The following CFAP54 variants were observed in gnomAD, a reference collection of about 807,000 sequenced individuals.
CFAP54 encodes the protein cilia and flagella associated protein 54, also known as cilia- and flagella-associated protein 54.
In CFAP54, 290 loss-of-function variants were observed where a neutral mutation model predicts 370.4. That is an observed-to-expected ratio of 0.78 (90% CI 0.71 to 0.86). The LOEUF (loss-of-function observed/expected upper bound fraction) is 0.86, where lower values mean the gene tolerates loss of function less well. CFAP54 is among the 40% of genes least tolerant of loss of function. The probability of loss-of-function intolerance (pLI) is 0.00; values close to 1 mark genes in which losing one functional copy is unlikely to be tolerated. For missense variants in CFAP54, 3,399 were observed against 3,528.7 expected, an observed-to-expected ratio of 0.96 and a Z score of 0.93; for synonymous variants, 1,206 against 1,236.5, an observed-to-expected ratio of 0.98 and a Z score of 0.52.
intron 17 of CFAP54, among the ~76,000 whole-genome samples, chr12:96,561,352 C>T (rs149466391): frequency 6.6e-6 from 1 of 152,200 alleles, no homozygotes; most frequent in Admixed American, 6.5e-5. Flanking sequence ...ACTTGTTCCT[C>T]TTTGCCTTCT....
intron 63 of CFAP54, among the ~76,000 whole-genome samples, chr12:96,809,205 T>G (rs909738860): frequency 6.6e-6 from 1 of 152,194 alleles, no homozygotes; most frequent in Non-Finnish European, 1.5e-5. Flanking sequence ...AGGGTGGCCC[T>G]TTCAAAATGG....
Position 96,648,145 on chromosome 12 carries a change from G to T in CFAP54, c.4690+128G>T, listed in dbSNP as rs114774438. On this transcript the variant is annotated intron_variant, in intron 34 of 67. Transcript: ENST00000524981. Reference sequence around the variant, plus strand: ...AGTTTTCCAAAGGACCAGCAATTTAGTTGAGTTTTGATATTTTGTAGGAGA... The same window carrying T: ...AGTTTTCCAAAGGACCAGCAATTTATTTGAGTTTTGATATTTTGTAGGAGA... 1.5e-3 allele frequency: 904 copies of T among 596,978 alleles called. 4 individuals are homozygous for T. The African/African-American group carries it at 0.016, about 11-fold the overall frequency. The allele number at this position is 596,978 out of a possible 1,614,324, so 37.0% of individuals were successfully genotyped here. A position where few individuals can be genotyped will look rare whatever the true frequency, so the allele number is the denominator to read the frequency against.
intron 22 of CFAP54, among the ~76,000 whole-genome samples, chr12:96,588,138 TGTTTC>T (rs1450400037): frequency 6.6e-6 from 1 of 152,182 alleles, no homozygotes; most frequent in East Asian, 1.9e-4. Flanking sequence ...ATTACCCACT[TGTTTC>T]TTTTCATTTT....
rs1444909926 is a variant in CFAP54 at position 96,598,653 on chromosome 12, A to C, written c.3525A>C (p.Ile1175=). ...IVLVPVVQIL[I]KCIVVLQGLP... Reference sequence around the variant, plus strand: ...GTGATTCTAATTTTTAGATCCTGATAAAGTGTATAGTGGTTTTGCAAGGAC... The same window carrying C: ...GTGATTCTAATTTTTAGATCCTGATCAAGTGTATAGTGGTTTTGCAAGGAC... The change falls in exon 26 of 68, where the codon ATA becomes ATC. Residue 1175 remains isoleucine (I), a synonymous_variant. Coordinates refer to ENST00000524981, the MANE Select transcript of CFAP54 (RefSeq NM_001306084.2). 1.6e-6 allele frequency: 1 copy of C among 625,316 alleles called. No homozygotes were observed. Among genetic ancestry groups the C allele is most frequent in the Non-Finnish European group, 2.9e-6 (1 of 345,998 alleles). 38.7% of individuals were successfully genotyped at this position (625,316 alleles called of 1,614,324 possible).
intron 20 of CFAP54, 37 bp from the exon 21 acceptor site, chr12:96,580,560 A>G (rs1468416071): frequency 3.2e-5 from 39 of 1,206,836 alleles, no homozygotes; most frequent in Non-Finnish European, 4.2e-5. Flanking sequence ...GATATAAAAG[A>G]ATGCCTTTTA....
intron 66 of CFAP54, among the ~76,000 whole-genome samples, chr12:96,836,189 T>G (rs762811675): frequency 1.3e-5 from 2 of 152,150 alleles, no homozygotes; most frequent in African/African-American, 2.4e-5. Context: ...AGTTATTCAG[T>G]GAACTAAAGG....
At chr12:96,689,795 T>C (rs1957370211) in intron 43 of CFAP54, among the ~76,000 whole-genome samples, 1 of 152,214 alleles carries the variant, frequency 6.6e-6, no homozygotes, top group Admixed American at 6.5e-5. Flanking sequence ...AATTCCAAAA[T>C]GTAACCAGGG....
chr12:96,527,352 G>A lies in CFAP54; in HGVS notation c.1265G>A (p.Arg422Gln), dbSNP rs999647017. 4.6e-6 allele frequency: 7 copies of A among 1,535,688 alleles called. No homozygotes were observed. The highest frequency in any genetic ancestry group is 4.9e-5 in the East Asian group (2 of 40,930). Residue 422 changes from arginine (R) to glutamine (Q), a missense_variant, in exon 9 of 68, where the codon CGA becomes CAA. Physicochemically the swap from Arg to Gln is conservative, Grantham distance 43. Around this residue, in one of 3 missense-constraint regions of CFAP54, gnomAD observed 559 missense variants for 576.7 expected, o/e 0.97. Coordinates refer to ENST00000524981, the MANE Select transcript of CFAP54 (RefSeq NM_001306084.2). ...GAAGCTCTTTCTGATTCAAATAGGC[G>A]AATACTGCAAACTGGACCCATTGTT... ...VLEALSDSNR[R>Q]ILQTGPIVTD...
intron 60 of CFAP54, among the ~76,000 whole-genome samples, chr12:96,768,698 A>G (rs149134395): frequency 1.5e-3 from 224 of 152,206 alleles, no homozygotes; most frequent in African/African-American, 5.1e-3. Context: ...ACAAAACAAA[A>G]ACAAAAACAA....
At chr12:96,870,763 A>G (rs1960138693) in intron 67 of CFAP54, among the ~76,000 whole-genome samples, 1 of 152,188 alleles carries the variant, frequency 6.6e-6, no homozygotes, top group Admixed American at 6.5e-5. Context: ...CCATTTGCCA[A>G]TAACAATTTT....
chr12:96,654,230 G>A (rs1056987858), intron 36 of CFAP54, among the ~76,000 whole-genome samples: 2 of 152,028 alleles, frequency 1.3e-5, no homozygotes, highest in Non-Finnish European at 2.9e-5. Context: ...GGCCGGGCGC[G>A]GTGGCTCATG....
intron 5 of CFAP54, among the ~76,000 whole-genome samples, chr12:96,513,396 T>A (rs2136359955): frequency 6.6e-6 from 1 of 152,280 alleles, no homozygotes; most frequent in African/African-American, 2.4e-5. Context: ...AAGTCCCGGT[T>A]TATGCCTGTT....
chr12:96,580,824 AG>A (rs1956025960), intron 21 of CFAP54, 95 bp from the exon 22 acceptor site: 2 of 1,147,704 alleles, frequency 1.7e-6, no homozygotes, highest in African/African-American at 3.2e-5. Flanking sequence ...TGAAAGAAAA[AG>A]GTTTTTTTTT....
At chr12:96,811,419 A>G (rs1339473463) in intron 63 of CFAP54, among the ~76,000 whole-genome samples, 1 of 152,214 alleles carries the variant, frequency 6.6e-6, no homozygotes, top group Admixed American at 6.5e-5. Context: ...AAAGTTGGCT[A>G]TTTACCAGGT....
At chr12:96,520,108 G>A (rs890383150) in intron 6 of CFAP54, among the ~76,000 whole-genome samples, 1 of 152,154 alleles carries the variant, frequency 6.6e-6, no homozygotes, top group African/African-American at 2.4e-5. Context: ...GCTCACTGCA[G>A]TCTTAGTCTC....
rs866952465 is a variant in CFAP54 at position 96,594,187 on chromosome 12, G to T, written c.3361-104G>T. On this transcript the variant is annotated intron_variant, in intron 24 of 67. Coordinates refer to ENST00000524981, the MANE Select transcript of CFAP54 (RefSeq NM_001306084.2). ...GATTTTTTAAAATACAAACACTCATGTTGTTTTTAGCCAGAAGGATCACAT... is the reference window on the plus strand; with the variant it reads ...GATTTTTTAAAATACAAACACTCATTTTGTTTTTAGCCAGAAGGATCACAT... The T allele has an allele frequency of 3.9e-6, 3 of 769,516 alleles. No individual in the cohort carries two copies. In the Middle Eastern group the frequency reaches 7.5e-4, roughly 192 times the overall value. 47.7% of individuals were successfully genotyped at this position (769,516 alleles called of 1,614,324 possible). A position where few individuals can be genotyped will look rare whatever the true frequency, so the allele number is the denominator to read the frequency against.
At chr12:96,712,311 A>G (rs4762324) in intron 48 of CFAP54, among the ~76,000 whole-genome samples, 130,801 of 152,098 alleles carry the variant, frequency 0.86, 56,624 homozygotes, top group African/African-American at 0.95. Flanking sequence ...AAAATCTATC[A>G]TTTCCTCACT....
chr12:96,718,245 G>A (rs1285052626), intron 48 of CFAP54, among the ~76,000 whole-genome samples, 198 bp from the exon 49 acceptor site: 1 of 152,132 alleles, frequency 6.6e-6, no homozygotes, highest in Non-Finnish European at 1.5e-5. Context: ...CGTAGTCCCA[G>A]CTACTCGGGA....
chr12:96,637,424 C>T (rs1956674316), intron 32 of CFAP54, among the ~76,000 whole-genome samples: 1 of 152,038 alleles, frequency 6.6e-6, no homozygotes, highest in Non-Finnish European at 1.5e-5. Context: ...TTTCTTTTGG[C>T]GAATTTAGTT....
Sources: allele counts gnomAD v4.1 joint callset (sites outside exome capture counted in the v4.1 genomes callset), GRCh38; gene constraint gnomAD v4.1.1; regional missense constraint gnomAD v4.1.1; transcripts MANE v1.5; gene names NCBI Gene and HGNC (gene_info 2026-07-23, HGNC 2026-07-21).